The following SSH2 variants were observed in gnomAD, a reference collection of about 807,000 sequenced individuals.
SSH2 encodes the protein slingshot protein phosphatase 2, also known as protein phosphatase Slingshot homolog 2.
A neutral mutation model predicts 135.2 loss-of-function variants in SSH2; 37 were observed. The observed-to-expected ratio is 0.27, with a 90% confidence interval of 0.21 to 0.36. The LOEUF is 0.36. Among genes scored for constraint, SSH2 ranks in the 10% least tolerant of loss-of-function variants. SSH2 has a pLI of 1.00. For synonymous variants in SSH2, 628 were observed against 646.2 expected, an observed-to-expected ratio of 0.97 and a Z score of 0.43; for missense variants, 1,408 against 1,765.3, an observed-to-expected ratio of 0.80 and a Z score of 3.63.
intron 3 of SSH2, among the ~76,000 whole-genome samples, chr17:29,721,149 A>G (rs373145925): frequency 7.2e-5 from 11 of 152,240 alleles, no homozygotes; most frequent in African/African-American, 2.7e-4. Flanking sequence ...GCAGTACTCT[A>G]GAGTGGGATG....
At chr17:29,796,327 T>C (rs1241481786) in intron 2 of SSH2, among the ~76,000 whole-genome samples, 2 of 152,230 alleles carry the variant, frequency 1.3e-5, no homozygotes, top group East Asian at 3.9e-4. Context: ...ACCATCTAGA[T>C]TGTATCATTA....
At chr17:29,775,588 T>C (rs550757309) in intron 3 of SSH2, among the ~76,000 whole-genome samples, 11 of 152,320 alleles carry the variant, frequency 7.2e-5, no homozygotes, top group Non-Finnish European at 1.3e-4. Flanking sequence ...CTGTCTTTTA[T>C]TTGTAGGTTC....
At chr17:29,716,294 A>C (rs1181925133) in intron 3 of SSH2, 12 of 424,032 alleles carry the variant, frequency 2.8e-5, no homozygotes, top group South Asian at 2.3e-4. Flanking sequence ...GAACCCAGGT[A>C]CCTTTCTCTT....
intron 4 of SSH2, among the ~76,000 whole-genome samples, chr17:29,698,554 C>T (rs1259520818): frequency 6.6e-6 from 1 of 152,128 alleles, no homozygotes; most frequent in South Asian, 2.1e-4. Flanking sequence ...GGCGCTATCA[C>T]AGCTCCCTAC....
chr17:29,750,664 A>C (rs984653788), intron 3 of SSH2, among the ~76,000 whole-genome samples: 3 of 151,450 alleles, frequency 2.0e-5, no homozygotes, highest in Non-Finnish European at 4.4e-5. Flanking sequence ...CTGGGATTAC[A>C]GGCACAAGCT....
rs1264261531 is a variant in SSH2, at chr17:29,695,503, G to T, written c.313C>A (p.Gln105Lys). The T allele has an allele frequency of 6.2e-7, 1 of 1,612,184 alleles. No homozygotes were observed. Among genetic ancestry groups the T allele is most frequent in the East Asian group, 2.2e-5 (1 of 44,704 alleles). The change falls in exon 5 of 16, where the codon CAA becomes AAA. Residue 105 changes from glutamine to lysine, a missense_variant. Transcript: ENST00000540801. ...GGGCGGAGTAAAATGAACATTGCTTGGAGATGCTGTTGGAGATCGCCTGGT... is the reference window on the plus strand; with the variant it reads ...GGGCGGAGTAAAATGAACATTGCTTTGAGATGCTGTTGGAGATCGCCTGGT... ...KHAGDLQQHL[Q>K]AMFILLRPED... is the part of the protein sequence containing the mutation.
chr17:29,845,447 A>T (rs1215875318), intron 2 of SSH2, among the ~76,000 whole-genome samples: 1 of 152,186 alleles, frequency 6.6e-6, no homozygotes, highest in Non-Finnish European at 1.5e-5. Context: ...CAGGAGGAGG[A>T]TCTAACACCT....
chr17:29,845,668 T>C (rs531134064), intron 2 of SSH2, among the ~76,000 whole-genome samples: 1 of 152,284 alleles, frequency 6.6e-6, no homozygotes, highest in South Asian at 2.1e-4. Flanking sequence ...TGGCATATCC[T>C]TCCGCCTTAG....
At chr17:29,634,146 CAG>C (rs1491380326) in intron 15 of SSH2, among the ~76,000 whole-genome samples, 2 of 152,212 alleles carry the variant, frequency 1.3e-5, no homozygotes, top group Non-Finnish European at 2.9e-5. Flanking sequence ...AGAAAGGAAA[CAG>C]GGGCACAGCT....
chr17:29,776,391 G>A (rs1354558123), intron 3 of SSH2: 3 of 152,188 alleles, frequency 2.0e-5, no homozygotes, highest in Non-Finnish European at 4.4e-5. Context: ...TTCAGCAGAA[G>A]GTTGTGGTCA....
rs1459877822 is a variant in SSH2 at position 29,680,575 on chromosome 17, A to AAAAAAC, written c.480-2835_480-2834insGTTTTT. On this transcript the variant is annotated intron_variant, in intron 6 of 15. Transcript: ENST00000540801. ...TCAAAAAAAAAAAAAAAAAAAAAAA[A>AAAAAAC]AAAAAGAGTGATTCCAGAGCTCAGG... 8.8e-4 allele frequency among the ~76,000 whole-genome samples: 130 copies of AAAAAAC among 147,484 alleles called. 9 individuals carry two copies. In the East Asian group the frequency reaches 0.021, roughly 24 times the overall value.
chr17:29,734,231 G>C (rs1486699592), intron 3 of SSH2, among the ~76,000 whole-genome samples: 1 of 152,044 alleles, frequency 6.6e-6, no homozygotes, highest in Non-Finnish European at 1.5e-5. Context: ...TAATTTCTAA[G>C]TGAGAGAAAA....
At chr17:29,812,184 T>C (rs1006741526) in intron 2 of SSH2, among the ~76,000 whole-genome samples, 2 of 151,718 alleles carry the variant, frequency 1.3e-5, no homozygotes, top group Non-Finnish European at 2.9e-5. Flanking sequence ...TTTTTAAGTC[T>C]TATTGAGAAA....
chr17:29,790,371 G>C (rs1043684703), intron 3 of SSH2, among the ~76,000 whole-genome samples: 7 of 152,108 alleles, frequency 4.6e-5, no homozygotes, highest in Non-Finnish European at 1.0e-4. Flanking sequence ...CTGCAAGCCC[G>C]GAAGAACACC....
rs144193370 is a variant in SSH2, at chr17:29,706,634, C to T, written c.189-3572G>A. Among the ~76,000 whole-genome samples the T allele has an allele frequency of 8.4e-3, 1,283 of 152,292 alleles. 14 individuals carry two copies. Among genetic ancestry groups the T allele is most frequent in the African/African-American group, 0.026 (1,081 of 41,550 alleles). ...GAAATTCACACTTTTGCCAACACAG[C>T]AACTGCTGCTTTACTAAATGAAAAT... On this transcript the variant is annotated intron_variant, in intron 3 of 15. Transcript: ENST00000540801.
chr17:29,839,566 T>G (rs957245742), intron 2 of SSH2, among the ~76,000 whole-genome samples: 1 of 152,138 alleles, frequency 6.6e-6, no homozygotes, highest in Non-Finnish European at 1.5e-5. Flanking sequence ...TCCCCACTAG[T>G]GAATTTCTGA....
chr17:29,693,726 T>C, intron 5 of SSH2, among the ~76,000 whole-genome samples: 1 of 152,160 alleles, frequency 6.6e-6, no homozygotes, highest in East Asian at 1.9e-4. Context: ...AATTAAGATA[T>C]AAAATAACTA....
chr17:29,671,561 T>A (rs1225563479), intron 9 of SSH2, among the ~76,000 whole-genome samples: 1 of 152,240 alleles, frequency 6.6e-6, no homozygotes, highest in African/African-American at 2.4e-5. Context: ...ATTACAAACA[T>A]GACTTTGAAA....
intron 1 of SSH2, among the ~76,000 whole-genome samples, chr17:29,918,674 C>T (rs147498881): frequency 3.6e-4 from 55 of 152,210 alleles, no homozygotes; most frequent in Non-Finnish European, 5.3e-4. Flanking sequence ...CTGTGGCTCA[C>T]GCCTGTAATC....
Sources: gnomAD v4.1 joint callset for allele counts (sites outside exome capture counted in the v4.1 genomes callset) on GRCh38, gnomAD v4.1.1 for gene constraint, MANE v1.5 for transcripts, NCBI Gene and HGNC (gene_info 2026-07-23, HGNC 2026-07-21) for gene names.